Variants in COP1 observed in about 807,000 individuals in gnomAD.
COP1 encodes the protein COP1 E3 ubiquitin ligase, also known as E3 ubiquitin-protein ligase COP1.
Under a neutral mutation model 101.3 loss-of-function variants are expected in COP1, and 24 were observed. That is an observed-to-expected ratio of 0.24 (90% CI 0.17 to 0.33). The LOEUF is 0.33. Among genes scored for constraint, COP1 ranks in the 10% least tolerant of loss-of-function variants. The probability of loss-of-function intolerance (pLI) is 1.00; values close to 1 mark genes in which losing one functional copy is unlikely to be tolerated. For synonymous variants in COP1, 347 were observed against 341.9 expected, an observed-to-expected ratio of 1.01 and a Z score of -0.17; for missense variants, 663 against 906.2, an observed-to-expected ratio of 0.73 and a Z score of 3.45.
At chr1:176,153,616 C>T (rs602933) in intron 5 of COP1, among the ~76,000 whole-genome samples, 131,362 of 152,150 alleles carry the variant, frequency 0.86, 58,796 homozygotes, top group Non-Finnish European at 0.98. Flanking sequence ...AGACTTCCAT[C>T]ACCATGTTGA....
rs114811189 is a variant in COP1 at position 175,991,200 on chromosome 1, A to G, written c.1730-1721T>C. ...TCATCACTGTGTGAGCATACAGTGTACTTTCACAAACCTAGATGGTATAGA... is the reference window on the plus strand; with the variant it reads ...TCATCACTGTGTGAGCATACAGTGTGCTTTCACAAACCTAGATGGTATAGA... On this transcript the variant is annotated intron_variant, in intron 15 of 19. Transcript: ENST00000367669. Among the ~76,000 whole-genome samples the G allele has an allele frequency of 8.5e-4, 129 of 152,266 alleles. 1 individual carries two copies. In the Middle Eastern group the frequency reaches 0.01, roughly 12 times the overall value.
chr1:176,015,426 CA>C lies in COP1; in HGVS notation c.1729+12145del, dbSNP rs201552818. 2.8e-3 allele frequency among the ~76,000 whole-genome samples: 421 copies of C among 152,096 alleles called. 1 individual carries two copies. Among genetic ancestry groups the C allele is most frequent in the African/African-American group, 9.7e-3 (404 of 41,504 alleles). On this transcript the variant is annotated intron_variant, in intron 15 of 19. Coordinates refer to ENST00000367669, the MANE Select transcript of COP1 (RefSeq NM_022457.7). ...GTAGAAAGACAGACACTTTATTAAC[CA>C]AAAGTAAAGGGAAGGGGTCAGATTC... is the stretch of plus-strand genomic sequence containing the variant.
chr1:176,190,691 T>C (rs1026538548), intron 1 of COP1, among the ~76,000 whole-genome samples: 3 of 152,046 alleles, frequency 2.0e-5, no homozygotes, highest in African/African-American at 7.2e-5. Context: ...TTCCCTTTTA[T>C]ATGCATTATT....
rs574021289 is a variant in COP1 at position 176,127,328 on chromosome 1, C to A, written c.968+7682G>T. On this transcript the variant is annotated intron_variant, in intron 8 of 19. Coordinates refer to ENST00000367669, the MANE Select transcript of COP1 (RefSeq NM_022457.7). ...CTTCCTGTCTAACTATAACTTTGTA[C>A]TCACTGACCAACTTCTCCCCTCTCC... Among the ~76,000 whole-genome samples, 27 of 152,294 alleles carry A rather than the reference C, an allele frequency of 1.8e-4. 1 individual carries two copies. The East Asian group carries it at 1.9e-3, about 11-fold the overall frequency.
At chr1:176,186,472 C>A (rs752051648) in intron 1 of COP1, among the ~76,000 whole-genome samples, 31 of 151,992 alleles carry the variant, frequency 2.0e-4, no homozygotes, top group South Asian at 4.1e-4. Context: ...GCACAGCAGG[C>A]GAAGCTGCAG....
At chr1:176,164,253 T>A (rs768622142) in intron 3 of COP1, among the ~76,000 whole-genome samples, 4 of 152,210 alleles carry the variant, frequency 2.6e-5, no homozygotes, top group Non-Finnish European at 4.4e-5. Context: ...CTACTATGAG[T>A]TAAGTACTAA....
In COP1 at chr1:175,997,130, C is replaced by G. The variant is rs1433912921; in HGVS notation, c.1730-7651G>C. Among the ~76,000 whole-genome samples, 245 of 151,314 alleles carry G rather than the reference C, an allele frequency of 1.6e-3. 2 individuals are homozygous for G. Among genetic ancestry groups the G allele is most frequent in the African/African-American group, 5.2e-3 (215 of 40,990 alleles). On this transcript the variant is annotated intron_variant, in intron 15 of 19. Coordinates refer to ENST00000367669, the MANE Select transcript of COP1 (RefSeq NM_022457.7). ...ACTATCTGATCTTTGACAAACCTGACAAAAACAAGCAATGGGGAAAGGATT... is the reference window on the plus strand; with the variant it reads ...ACTATCTGATCTTTGACAAACCTGAGAAAAACAAGCAATGGGGAAAGGATT...
chr1:176,050,655 A>G (rs939221186), intron 11 of COP1, among the ~76,000 whole-genome samples: 5 of 152,206 alleles, frequency 3.3e-5, no homozygotes, highest in African/African-American at 1.2e-4. Flanking sequence ...ACACAAGTAA[A>G]GTAAATTAAG....
Position 176,116,608 on chromosome 1 carries a change from C to T in COP1, c.1026+16G>A, listed in dbSNP as rs1686223857. The T allele has an allele frequency of 5.7e-6, 9 of 1,592,352 alleles. No homozygotes were observed. Among genetic ancestry groups the T allele is most frequent in the Non-Finnish European group, 7.7e-6 (9 of 1,162,258 alleles). ...ATACTCATGGTATCATTAAAGCAAA[C>T]AAAGATATCGTTTACCTGAGAACTG... On this transcript the variant is annotated intron_variant, in intron 9 of 19. Coordinates refer to ENST00000367669, the MANE Select transcript of COP1 (RefSeq NM_022457.7).
chr1:176,122,777 C>T (rs1312736318), intron 8 of COP1, among the ~76,000 whole-genome samples: 1 of 152,122 alleles, frequency 6.6e-6, no homozygotes, highest in African/African-American at 2.4e-5. Context: ...AAGAGCAGCT[C>T]ATTTGAAAGT....
intron 11 of COP1, among the ~76,000 whole-genome samples, chr1:176,078,420 G>A (rs1172687305): frequency 6.6e-6 from 1 of 152,222 alleles, no homozygotes; most frequent in Non-Finnish European, 1.5e-5. Context: ...TCAATCAATG[G>A]TGCTTGGATA....
chr1:176,054,081 C>T (rs998931331), intron 11 of COP1, among the ~76,000 whole-genome samples: 4 of 152,106 alleles, frequency 2.6e-5, no homozygotes, highest in Non-Finnish European at 4.4e-5. Context: ...CTCATCCACT[C>T]ACTCTTGAAA....
intron 1 of COP1, chr1:176,206,318 C>A: frequency 3.9e-6 from 2 of 508,972 alleles, no homozygotes; most frequent in South Asian, 2.7e-5. Context: ...GTTAAACTCC[C>A]TTCACTTCCT....
Position 176,207,045 on chromosome 1 carries a change from T to A in COP1, c.-67A>T. On this transcript the variant is annotated 5_prime_UTR_variant, in exon 1 of 20. Coordinates refer to ENST00000367669, the MANE Select transcript of COP1 (RefSeq NM_022457.7). The stretch of plus-strand genomic sequence containing the variant: ...ACCGCGACCTCGACCCTCCGCCGCC[T>A]CCCCTCCCCTCAGCCTCAGTGCATC... The A allele has an allele frequency of 1.6e-6, 2 of 1,257,066 alleles. No individual in the cohort carries two copies. Among genetic ancestry groups the A allele is most frequent in the Non-Finnish European group, 2.0e-6 (2 of 980,904 alleles). The allele number at this position is 1,257,066 out of a possible 1,614,324, so 77.9% of individuals were successfully genotyped here. A position where few individuals can be genotyped will look rare whatever the true frequency, so the allele number is the denominator to read the frequency against.
rs1651681866 is a variant in COP1, at chr1:175,963,866, T to C, written c.2134-16627A>G. Among the ~76,000 whole-genome samples, 5 of 152,194 alleles carry C rather than the reference T, an allele frequency of 3.3e-5. No individual in the cohort carries two copies. In the South Asian group the frequency reaches 1.0e-3, roughly 31 times the overall value. ...TTCATACTATAGTTATTTATGAATATTTCTATTTACTAGGTTGTAAATCAC... is the reference window on the plus strand; with the variant it reads ...TTCATACTATAGTTATTTATGAATACTTCTATTTACTAGGTTGTAAATCAC... On this transcript the variant is annotated intron_variant, in intron 18 of 19. Transcript: ENST00000367669.
chr1:175,953,559 A>G (rs1212965208), intron 18 of COP1, among the ~76,000 whole-genome samples: 1 of 152,022 alleles, frequency 6.6e-6, no homozygotes, highest in Non-Finnish European at 1.5e-5. Flanking sequence ...GGGGTTTGAG[A>G]TCAGCTTGAG....
intron 5 of COP1, among the ~76,000 whole-genome samples, chr1:176,155,495 G>C (rs1314734767): frequency 1.3e-5 from 2 of 151,944 alleles, no homozygotes; most frequent in African/African-American, 4.8e-5. Flanking sequence ...AAGTCTGTAA[G>C]ATAATATGAA....
At chr1:175,991,122 A>C (rs1036046222) in intron 15 of COP1, among the ~76,000 whole-genome samples, 1 of 152,120 alleles carries the variant, frequency 6.6e-6, no homozygotes, top group East Asian at 1.9e-4. Context: ...TAAGTACAAT[A>C]ATACATACTT....
intron 18 of COP1, 101 bp from the exon 19 acceptor site, chr1:175,947,340 T>A (rs1335417440): frequency 5.1e-6 from 4 of 779,488 alleles, no homozygotes; most frequent in Non-Finnish European, 6.7e-6. Context: ...CTTCAATTCC[T>A]AAGACAATTG....
Sources: gnomAD v4.1 joint callset for allele counts (sites outside exome capture counted in the v4.1 genomes callset) on GRCh38, gnomAD v4.1.1 for gene constraint, MANE v1.5 for transcripts, NCBI Gene and HGNC (gene_info 2026-07-23, HGNC 2026-07-21) for gene names.